TENM1: variants seen among roughly 807,000 people sequenced by gnomAD.
TENM1 encodes teneurin-1.
TENM1 carries 35 observed loss-of-function variants against 174.8 expected under a neutral mutation model. The ratio of observed to expected loss-of-function variants is 0.20; its 90% confidence interval spans 0.15 to 0.27. The LOEUF (loss-of-function observed/expected upper bound fraction) is 0.27, where lower values mean the gene tolerates loss of function less well. Among genes scored for constraint, TENM1 ranks in the 10% least tolerant of loss-of-function variants. TENM1 has a pLI of 1.00. For missense variants in TENM1, 1,633 were observed against 2,130.1 expected (o/e 0.77, Z 4.59); for synonymous variants, 781 against 798.7 (o/e 0.98, Z 0.37).
At chrX:124,841,632 A>AT (rs2147363671) in intron 3 of TENM1, among the ~76,000 whole-genome samples, 1 of 109,479 alleles carries the variant, frequency 9.1e-6, no homozygotes. Context: ...AAAAAAAAAA[A>AT]AAAAAAAGGA....
intron 15 of TENM1, among the ~76,000 whole-genome samples, chrX:124,537,878 A>G (rs193179200): frequency 1.7e-4 from 19 of 112,241 alleles, no homozygotes; most frequent in African/African-American, 2.3e-4. Context: ...GAAAATACCT[A>G]TTCATGCTGA....
intron 20 of TENM1, among the ~76,000 whole-genome samples, chrX:124,493,879 C>A (rs1446889306): frequency 9.0e-6 from 1 of 111,641 alleles, no homozygotes; most frequent in Non-Finnish European, 1.9e-5. Context: ...AAAGTCTTAA[C>A]TTTACAGTCT....
the TENM1 span, among the ~76,000 whole-genome samples, chrX:125,157,029 T>C: frequency 8.9e-6 from 1 of 112,476 alleles, no homozygotes; most frequent in Non-Finnish European, 1.9e-5. Flanking sequence ...TCATGATGCA[T>C]AGTCAGGTTC....
At chrX:124,771,064 A>G (rs2054643362) in intron 3 of TENM1, among the ~76,000 whole-genome samples, 1 of 112,318 alleles carries the variant, frequency 8.9e-6, no homozygotes, top group African/African-American at 3.2e-5. Flanking sequence ...TTATTTATCA[A>G]TTATAAATAA....
intron 11 of TENM1, among the ~76,000 whole-genome samples, chrX:124,618,311 A>G (rs972531917): frequency 3.6e-5 from 4 of 111,947 alleles, no homozygotes; most frequent in African/African-American, 9.7e-5. Flanking sequence ...CTGTTTATTG[A>G]GGCATCAATA....
chrX:125,015,217 G>A, the TENM1 span, among the ~76,000 whole-genome samples: 1 of 111,116 alleles, frequency 9.0e-6, no homozygotes, highest in South Asian at 3.8e-4. Flanking sequence ...TAGCAAATAA[G>A]TCCCATTTGT....
At chrX:124,440,696 C>T (rs377125820) in intron 23 of TENM1, among the ~76,000 whole-genome samples, 4 of 111,600 alleles carry the variant, frequency 3.6e-5, no homozygotes, top group African/African-American at 1.3e-4. Flanking sequence ...GTTTATTTAG[C>T]ATTATTATGT....
the TENM1 span, among the ~76,000 whole-genome samples, chrX:124,986,619 A>G: frequency 9.0e-6 from 1 of 111,630 alleles, no homozygotes; most frequent in African/African-American, 3.3e-5. Context: ...ATCTCTCAGA[A>G]GTAGGACTTC....
chrX:125,027,499 T>G, the TENM1 span, among the ~76,000 whole-genome samples: 2 of 112,090 alleles, frequency 1.8e-5, no homozygotes, highest in East Asian at 5.6e-4. Context: ...AATCTGTAAA[T>G]TTGATGCAAT....
the TENM1 span, among the ~76,000 whole-genome samples, chrX:125,029,949 A>G: frequency 5.4e-5 from 6 of 112,138 alleles, no homozygotes; most frequent in Non-Finnish European, 1.1e-4. Flanking sequence ...ATCCTAACCT[A>G]TTTACCGGCA....
At chrX:124,422,662 C>T (rs752872545) in intron 23 of TENM1, 24 bp from the exon 27 acceptor site, 1 of 1,182,083 alleles carries the variant, frequency 8.5e-7, no homozygotes. Flanking sequence ...AGAACACATA[C>T]CATTAGGTTA....
intron 3 of TENM1, among the ~76,000 whole-genome samples, chrX:124,788,797 TTG>T (rs1230370827): frequency 8.9e-6 from 1 of 112,382 alleles, no homozygotes; most frequent in African/African-American, 3.2e-5. Flanking sequence ...TTTCATGGGC[TTG>T]TGTTGCATGT....
At chrX:124,907,140 T>A (rs1431105934) in intron 1 of TENM1, among the ~76,000 whole-genome samples, 2 of 112,179 alleles carry the variant, frequency 1.8e-5, no homozygotes, top group African/African-American at 6.5e-5. Context: ...TCTGCTTGCC[T>A]AATTTAAATG....
At chrX:124,468,538 C>A (rs1017110042) in intron 22 of TENM1, among the ~76,000 whole-genome samples, 1 of 112,525 alleles carries the variant, frequency 8.9e-6, no homozygotes, top group Admixed American at 9.4e-5. Flanking sequence ...ATCTCCTTAT[C>A]CCTATCCTCT....
At chrX:124,667,902 C>A (rs1476942804) in intron 6 of TENM1, among the ~76,000 whole-genome samples, 2 of 110,681 alleles carry the variant, frequency 1.8e-5, no homozygotes, top group African/African-American at 6.6e-5. Flanking sequence ...AATGGGAAAC[C>A]AATTCCAGTA....
chrX:124,622,806 T>C (rs1430811656), intron 11 of TENM1, among the ~76,000 whole-genome samples: 1 of 111,961 alleles, frequency 8.9e-6, no homozygotes, highest in Non-Finnish European at 1.9e-5. Context: ...GATTTTAAAT[T>C]ACTCTACAGT....
the TENM1 span, among the ~76,000 whole-genome samples, chrX:125,106,411 CT>C: frequency 0.15 from 14,859 of 98,150 alleles, 1,041 homozygotes; most frequent in Admixed American, 0.28. Context: ...TTTTGAATAA[CT>C]TTTTTTTTTT....
At chrX:124,568,815 T>C (rs1232071663) in intron 11 of TENM1, among the ~76,000 whole-genome samples, 1 of 111,565 alleles carries the variant, frequency 9.0e-6, no homozygotes, top group Admixed American at 9.5e-5. Context: ...CATCTGTCAA[T>C]TATACTAGAG....
the TENM1 span, among the ~76,000 whole-genome samples, chrX:125,044,072 C>T: frequency 2.4e-5 from 1 of 41,803 alleles, no homozygotes; most frequent in South Asian, 1.8e-3. Context: ...CTAGATGACA[C>T]GTTAGTGGGT....
Sources: allele counts gnomAD v4.1 joint callset (sites outside exome capture counted in the v4.1 genomes callset), GRCh38; gene constraint gnomAD v4.1.1; transcripts MANE v1.5; gene names NCBI Gene and HGNC (gene_info 2026-07-23, HGNC 2026-07-21).